The following DOK6 variants were observed in gnomAD, a reference collection of about 807,000 sequenced individuals.
DOK6 encodes the protein downstream of tyrosine kinase 6.
A neutral mutation model predicts 44.0 loss-of-function variants in DOK6; 22 were observed. The observed-to-expected ratio is 0.50, with a 90% CI of 0.36 to 0.71. The LOEUF (loss-of-function observed/expected upper bound fraction) is 0.71, where lower values mean the gene tolerates loss of function less well. Ranked by LOEUF, DOK6 falls within the 30% of genes least tolerant of loss-of-function variation. The pLI is 0.00. For synonymous variants in DOK6, 166 were observed against 145.5 expected (o/e 1.14, Z -1.01); for missense variants, 340 against 416.4 (o/e 0.82, Z 1.60).
intron 5 of DOK6, among the ~76,000 whole-genome samples, chr18:69,713,380 T>TG (rs1353256293): frequency 2.0e-5 from 3 of 152,208 alleles, no homozygotes; most frequent in African/African-American, 7.2e-5. Flanking sequence ...ACTAATACTG[T>TG]GGGAGGTAGC....
chr18:69,548,163 C>T (rs192239297), intron 1 of DOK6, among the ~76,000 whole-genome samples: 1,594 of 150,842 alleles, frequency 0.011, 32 homozygotes, highest in African/African-American at 0.036. Flanking sequence ...CGGTGTTAGC[C>T]AGGATGGTCT....
chr18:69,732,041 A>G (rs1419424714), intron 5 of DOK6, among the ~76,000 whole-genome samples: 3 of 152,186 alleles, frequency 2.0e-5, no homozygotes, highest in African/African-American at 7.2e-5. Context: ...AGAGCACACT[A>G]GCACCAAGGC....
chr18:69,672,501 G>T (rs1384107484), intron 3 of DOK6, among the ~76,000 whole-genome samples: 1 of 152,190 alleles, frequency 6.6e-6, no homozygotes, highest in Non-Finnish European at 1.5e-5. Context: ...TGGGATTACA[G>T]GCGCGCAGCA....
At chr18:69,757,899 A>G in intron 7 of DOK6, 26 bp downstream of exon 7, 3 of 1,586,278 alleles carry the variant, frequency 1.9e-6, no homozygotes, top group Non-Finnish European at 2.6e-6. Context: ...GTAAGAAAGC[A>G]GTGCCTCCAT....
intron 7 of DOK6, among the ~76,000 whole-genome samples, chr18:69,808,160 T>C (rs1281723656): frequency 6.6e-6 from 1 of 151,718 alleles, no homozygotes; most frequent in Non-Finnish European, 1.5e-5. Flanking sequence ...AATTCACAAA[T>C]ACATGGAAAT....
At chr18:69,622,035 A>G (rs7229387) in intron 3 of DOK6, among the ~76,000 whole-genome samples, 144,963 of 152,300 alleles carry the variant, frequency 0.95, 69,394 homozygotes, top group East Asian at 1. Flanking sequence ...AACAGATTTT[A>G]TGTTAATTTC....
intron 3 of DOK6, among the ~76,000 whole-genome samples, chr18:69,669,158 G>A (rs1985733588): frequency 6.6e-6 from 1 of 152,112 alleles, no homozygotes; most frequent in Non-Finnish European, 1.5e-5. Flanking sequence ...GAGTGCATGT[G>A]CAGGGTTGTT....
Position 69,842,837 on chromosome 18 carries a change from T to G in DOK6, c.*1454T>G, listed in dbSNP as rs1394106614. 1 of 152,142 alleles carries G rather than the reference T, an allele frequency of 6.6e-6. No homozygotes were observed. The highest frequency in any genetic ancestry group is 6.5e-5 in the Admixed American group (1 of 15,268). The allele number at this position is 152,142 out of a possible 1,614,324, so 9.4% of individuals were successfully genotyped here. A position where few individuals can be genotyped will look rare whatever the true frequency, so the allele number is the denominator to read the frequency against. Reference sequence around the variant, plus strand: ...GTGCCTAAGATGGTTATCTCTCAAATACTCTAGGGTGGGTTTAAAGAACAG... The same window carrying G: ...GTGCCTAAGATGGTTATCTCTCAAAGACTCTAGGGTGGGTTTAAAGAACAG... On this transcript the variant is annotated 3_prime_UTR_variant, in exon 8 of 8. Transcript: ENST00000382713.
Position 69,417,161 on chromosome 18 carries a change from A to G in DOK6, c.66+15851A>G, listed in dbSNP as rs116512093. Reference sequence around the variant, plus strand: ...CTATAGTCACCCTATTGAACTATCAAACACTAGATCTTATCCTTCTATCTA... The same window carrying G: ...CTATAGTCACCCTATTGAACTATCAGACACTAGATCTTATCCTTCTATCTA... On this transcript the variant is annotated intron_variant, in intron 1 of 7. Transcript: ENST00000382713. 1.9e-3 allele frequency among the ~76,000 whole-genome samples: 287 copies of G among 152,170 alleles called. 1 individual carries two copies. Among genetic ancestry groups the G allele is most frequent in the African/African-American group, 6.6e-3 (275 of 41,538 alleles).
intron 5 of DOK6, among the ~76,000 whole-genome samples, chr18:69,733,685 T>C (rs7241556): frequency 0.7 from 106,530 of 152,034 alleles, 39,394 homozygotes; most frequent in East Asian, 0.84. Context: ...AACATTAGCA[T>C]GCTCTACATA....
intron 3 of DOK6, among the ~76,000 whole-genome samples, chr18:69,656,905 C>A (rs926350228): frequency 1.3e-5 from 2 of 152,050 alleles, no homozygotes; most frequent in African/African-American, 4.8e-5. Flanking sequence ...ATCAGAAATT[C>A]CAGGGTTGGA....
intron 4 of DOK6, among the ~76,000 whole-genome samples, chr18:69,679,825 A>G (rs1986005436): frequency 6.6e-6 from 1 of 152,194 alleles, no homozygotes; most frequent in South Asian, 2.1e-4. Context: ...TAATAAGGTC[A>G]AAGTAATTTG....
chr18:69,538,554 G>T (rs1389442521), intron 1 of DOK6, among the ~76,000 whole-genome samples: 1 of 151,522 alleles, frequency 6.6e-6, no homozygotes. Context: ...GCTAACTTTT[G>T]CATTTTTGGT....
At chr18:69,701,821 G>T (rs1039644455) in intron 5 of DOK6, among the ~76,000 whole-genome samples, 8 of 152,072 alleles carry the variant, frequency 5.3e-5, no homozygotes, top group Admixed American at 5.2e-4. Context: ...GTGGTTAGTG[G>T]TAGCAAATGT....
At chr18:69,764,347 G>T (rs923555458) in intron 7 of DOK6, among the ~76,000 whole-genome samples, 1 of 152,124 alleles carries the variant, frequency 6.6e-6, no homozygotes, top group Non-Finnish European at 1.5e-5. Flanking sequence ...ATATGGTCTG[G>T]CTCTGTGTCC....
At chr18:69,677,244 A>C (rs1322377030) in intron 3 of DOK6, among the ~76,000 whole-genome samples, 1 of 151,786 alleles carries the variant, frequency 6.6e-6, no homozygotes, top group Non-Finnish European at 1.5e-5. Flanking sequence ...CAACTATTAC[A>C]CTTATATATT....
At chr18:69,410,663 G>A (rs1734452467) in intron 1 of DOK6, among the ~76,000 whole-genome samples, 1 of 152,108 alleles carries the variant, frequency 6.6e-6, no homozygotes, top group South Asian at 2.1e-4. Flanking sequence ...GACTTTCCAG[G>A]CTCTCTTGAT....
intron 1 of DOK6, among the ~76,000 whole-genome samples, chr18:69,512,624 G>A (rs150910207): frequency 0.043 from 6,539 of 152,148 alleles, 208 homozygotes; most frequent in Admixed American, 0.095. Context: ...GATTACAAGC[G>A]TGAGCCACCG....
intron 3 of DOK6, among the ~76,000 whole-genome samples, chr18:69,643,318 A>G (rs759679818): frequency 1.8e-4 from 28 of 152,146 alleles, no homozygotes; most frequent in Non-Finnish European, 3.7e-4. Context: ...TGTTCTATAC[A>G]TTTTTATCAC....
Sources: allele counts gnomAD v4.1 joint callset (sites outside exome capture counted in the v4.1 genomes callset), GRCh38; gene constraint gnomAD v4.1.1; transcripts MANE v1.5; gene names NCBI Gene and HGNC (gene_info 2026-07-23, HGNC 2026-07-21).